PPARG: variants seen among roughly 807,000 people sequenced by gnomAD.
The protein encoded by PPARG is peroxisome proliferator-activated receptor gamma.
A neutral mutation model predicts 39.2 loss-of-function variants in PPARG; 17 were observed. That is an observed-to-expected ratio of 0.43 (90% CI 0.30 to 0.65). The LOEUF (loss-of-function observed/expected upper bound fraction) is 0.65, where lower values mean the gene tolerates loss of function less well. Ranked by LOEUF, PPARG falls within the 30% of genes least tolerant of loss-of-function variation. The pLI, the probability that PPARG is intolerant of heterozygous loss-of-function variation, is 0.13. For synonymous variants in PPARG, 223 were observed against 215.7 expected (o/e 1.03, Z -0.30); for missense variants, 406 against 585.9 (o/e 0.69, Z 3.17).
intron 2 of PPARG, among the ~76,000 whole-genome samples, chr3:12,326,288 T>G (rs551513644): frequency 2.0e-5 from 3 of 152,244 alleles, no homozygotes; most frequent in Admixed American, 6.5e-5. Context: ...AGCTGAGAAA[T>G]GGAGGAAATG....
chr3:12,403,025 G>T (rs921713789), intron 5 of PPARG, among the ~76,000 whole-genome samples: 1 of 152,152 alleles, frequency 6.6e-6, no homozygotes, highest in Non-Finnish European at 1.5e-5. Flanking sequence ...AGGTGTCATG[G>T]CTCATGCCTG....
intron 2 of PPARG, among the ~76,000 whole-genome samples, chr3:12,345,819 C>T (rs372844520): frequency 3.3e-5 from 5 of 152,154 alleles, no homozygotes; most frequent in African/African-American, 7.2e-5. Context: ...TTGTGAATTC[C>T]CACTGTGCTT....
chr3:12,333,049 A>G (rs955571470), intron 2 of PPARG, among the ~76,000 whole-genome samples: 25 of 152,250 alleles, frequency 1.6e-4, no homozygotes, highest in African/African-American at 5.8e-4. Flanking sequence ...AAAATTCTGA[A>G]AAGTTACATC....
intron 2 of PPARG, among the ~76,000 whole-genome samples, chr3:12,359,670 A>ATTTATT (rs2048774927): frequency 7.7e-6 from 1 of 130,410 alleles, no homozygotes. Flanking sequence ...TTACTCTTTT[A>ATTTATT]TTTCTTTTTT....
At chr3:12,398,882 T>C (rs983389000) in intron 5 of PPARG, among the ~76,000 whole-genome samples, 12 of 152,038 alleles carry the variant, frequency 7.9e-5, no homozygotes, top group Non-Finnish European at 1.8e-4. Flanking sequence ...GATCGAGAAG[T>C]GAATAGAAAG....
intron 6 of PPARG, 80 bp downstream of exon 6, chr3:12,406,161 T>C (rs1199478247): frequency 3.7e-6 from 5 of 1,343,922 alleles, no homozygotes; most frequent in Non-Finnish European, 5.3e-6. Flanking sequence ...AATGGTTTAC[T>C]GCGCTACAAA....
chr3:12,355,277 A>C (rs921524705), intron 2 of PPARG, among the ~76,000 whole-genome samples: 5 of 152,052 alleles, frequency 3.3e-5, no homozygotes, highest in Non-Finnish European at 5.9e-5. Context: ...CTGGGACTAC[A>C]GGCGTACCTT....
At chr3:12,390,173 G>A (rs1197229111) in intron 4 of PPARG, among the ~76,000 whole-genome samples, 1 of 152,158 alleles carries the variant, frequency 6.6e-6, no homozygotes, top group African/African-American at 2.4e-5. Context: ...AAATTAAGAA[G>A]TCTGACAGCA....
chr3:12,381,214 T>A (rs2049640113), intron 3 of PPARG, 108 bp from the exon 4 acceptor site: 3 of 1,156,568 alleles, frequency 2.6e-6, no homozygotes, highest in Non-Finnish European at 3.8e-6. Flanking sequence ...GCTTTTACAC[T>A]GAAACAATAC....
At position 12,434,230 on chromosome 3, in the gene PPARG, G is replaced by A; in HGVS notation, c.*85G>A. On this transcript the variant is annotated 3_prime_UTR_variant, in exon 8 of 8. Coordinates refer to ENST00000651735, the MANE Select transcript of PPARG (RefSeq NM_138711.6). The surrounding 1 kb of genome is among the most constrained non-coding windows in gnomAD (Gnocchi z 4.2). ...AAATCTGACACCTAAGAAATTTACTGTGAAAAAGCATTTTAAAAAGAAAAG... is the reference window on the plus strand; with the variant it reads ...AAATCTGACACCTAAGAAATTTACTATGAAAAAGCATTTTAAAAAGAAAAG... 4 of 1,548,202 alleles carry A rather than the reference G, an allele frequency of 2.6e-6. No homozygotes were observed. The highest frequency in any genetic ancestry group is 1.1e-5 in the South Asian group (1 of 87,146).
intron 1 of PPARG, among the ~76,000 whole-genome samples, chr3:12,299,174 A>G (rs563855995): frequency 7.9e-5 from 12 of 152,254 alleles, no homozygotes; most frequent in Admixed American, 2.0e-4. Context: ...ACAAATGTCT[A>G]TTGAGCCACT....
intron 1 of PPARG, among the ~76,000 whole-genome samples, chr3:12,308,663 A>G (rs1199393300): frequency 6.6e-6 from 1 of 152,202 alleles, no homozygotes; most frequent in Non-Finnish European, 1.5e-5. Context: ...GTGGAAATAC[A>G]CTGTAATATT....
intron 2 of PPARG, among the ~76,000 whole-genome samples, chr3:12,333,700 A>C (rs1162548773): frequency 6.6e-6 from 1 of 152,096 alleles, no homozygotes; most frequent in Non-Finnish European, 1.5e-5. Flanking sequence ...AGAAGGCTCC[A>C]CACTTCCTTT....
At chr3:12,344,373 G>A (rs1370751350) in intron 2 of PPARG, among the ~76,000 whole-genome samples, 2 of 142,616 alleles carry the variant, frequency 1.4e-5, no homozygotes, top group African/African-American at 5.3e-5. Flanking sequence ...AATTTATAAT[G>A]TGTCTAATAA....
chr3:12,340,948 G>A (rs754098027), intron 2 of PPARG, among the ~76,000 whole-genome samples: 1 of 152,198 alleles, frequency 6.6e-6, no homozygotes, highest in Non-Finnish European at 1.5e-5. Flanking sequence ...ACTTTGGGAG[G>A]CCAAGGCGGG....
chr3:12,431,808 C>T (rs1239621483), intron 7 of PPARG, among the ~76,000 whole-genome samples: 1 of 151,986 alleles, frequency 6.6e-6, no homozygotes, highest in Non-Finnish European at 1.5e-5. Context: ...GGTGTGGCGG[C>T]TCATGCCTAT....
chr3:12,423,131 C>A (rs1039056621), intron 7 of PPARG, among the ~76,000 whole-genome samples: 2 of 152,176 alleles, frequency 1.3e-5, no homozygotes, highest in South Asian at 2.1e-4. Flanking sequence ...GAACTCCCCA[C>A]AAAAATGGAC....
At chr3:12,339,785 T>C (rs1559499332) in intron 2 of PPARG, among the ~76,000 whole-genome samples, 1 of 152,228 alleles carries the variant, frequency 6.6e-6, no homozygotes, top group Non-Finnish European at 1.5e-5. Flanking sequence ...AGTCGCATCC[T>C]CACATTTCTG....
At chr3:12,395,931 A>G (rs943735910) in intron 5 of PPARG, among the ~76,000 whole-genome samples, 11 of 152,216 alleles carry the variant, frequency 7.2e-5, no homozygotes. Context: ...CATTGCATCA[A>G]CTACTCTTTG....
Sources: gnomAD v4.1 joint callset for allele counts (sites outside exome capture counted in the v4.1 genomes callset) on GRCh38, gnomAD v4.1.1 for gene constraint, Gnocchi (gnomAD v3.1) non-coding constraint, MANE v1.5 for transcripts, NCBI Gene and HGNC (gene_info 2026-07-23, HGNC 2026-07-21) for gene names.